The following AVEN variants were observed in gnomAD, a reference collection of about 807,000 sequenced individuals.
The protein encoded by AVEN is apoptosis and caspase activation inhibitor, also known as cell death regulator Aven.
In AVEN, 41 loss-of-function variants were observed where a neutral mutation model predicts 38.1. The ratio of observed to expected loss-of-function variants is 1.08; its 90% CI spans 0.84 to 1.40. The LOEUF is 1.40. Ranked by LOEUF, AVEN falls within the 40% of genes most tolerant of loss-of-function variation. The pLI is 0.00. For missense variants in AVEN, 605 were observed against 438.8 expected, an observed-to-expected ratio of 1.38 and a Z score of -3.38; for synonymous variants, 206 against 171.8, an observed-to-expected ratio of 1.20 and a Z score of -1.56.
intron 2 of AVEN, among the ~76,000 whole-genome samples, chr15:34,068,495 C>T (rs1900561952): frequency 6.6e-6 from 1 of 152,120 alleles, no homozygotes; most frequent in Non-Finnish European, 1.5e-5. Context: ...GCAGGAACCA[C>T]CGCGTCTGAC....
At chr15:33,931,806 T>C (rs1351531622) in intron 2 of AVEN, among the ~76,000 whole-genome samples, 4 of 152,222 alleles carry the variant, frequency 2.6e-5, no homozygotes, top group Non-Finnish European at 5.9e-5. Context: ...CAAGACCCAA[T>C]TGATTAGAAA....
At chr15:33,900,055 C>T (rs1167804867) in intron 2 of AVEN, among the ~76,000 whole-genome samples, 2 of 151,938 alleles carry the variant, frequency 1.3e-5, no homozygotes, top group Non-Finnish European at 2.9e-5. Context: ...TCACAATTAT[C>T]GCATGTATTA....
At chr15:33,909,577 G>C (rs918570666) in intron 2 of AVEN, among the ~76,000 whole-genome samples, 3 of 152,114 alleles carry the variant, frequency 2.0e-5, no homozygotes, top group Admixed American at 2.0e-4. Context: ...TCAACACAAT[G>C]TTCTTTGGAA....
Position 33,972,127 on chromosome 15 carries a change from C to G in AVEN, c.445+30905G>C, listed in dbSNP as rs541874247. ...CAACTATTAAAGATAAAAGTACCAT[C>G]TCACAGTTTTCTCATTAATAATTCA... On this transcript the variant is annotated intron_variant, in intron 2 of 5. Transcript: ENST00000306730. 2.0e-5 allele frequency: 3 copies of G among 152,238 alleles called. No individual in the cohort carries two copies. In the East Asian group the frequency reaches 5.8e-4, roughly 29 times the overall value. The allele number at this position is 152,238 out of a possible 1,614,324, so 9.4% of individuals were successfully genotyped here. A position where few individuals can be genotyped will look rare whatever the true frequency, so the allele number is the denominator to read the frequency against.
intron 2 of AVEN, among the ~76,000 whole-genome samples, chr15:33,992,683 A>C (rs1896780947): frequency 6.6e-6 from 1 of 152,230 alleles, no homozygotes; most frequent in African/African-American, 2.4e-5. Context: ...AAATGAGCTG[A>C]ATCAATGAGG....
Position 33,958,606 on chromosome 15 carries a change from AG to A in AVEN, c.445+44425del, listed in dbSNP as rs1386356358. Among the ~76,000 whole-genome samples, 240 of 149,850 alleles carry A rather than the reference AG, an allele frequency of 1.6e-3. 2 individuals are homozygous for A. The highest frequency in any genetic ancestry group is 5.9e-3 in the African/African-American group (233 of 39,628). On this transcript the variant is annotated intron_variant, in intron 2 of 5. Transcript: ENST00000306730. ...ACCCTATCTCAAGAAAAAAAAAAAA[AG>A]GAAAAGAAAAGAAAGAAAACTTCTT...
intron 2 of AVEN, among the ~76,000 whole-genome samples, chr15:33,980,864 T>C (rs1896107256): frequency 6.6e-6 from 1 of 152,120 alleles, no homozygotes; most frequent in African/African-American, 2.4e-5. Flanking sequence ...GACTTCAAAA[T>C]ATAATGGAAA....
upstream of AVEN, among the ~76,000 whole-genome samples, chr15:34,044,007 C>G: frequency 6.6e-6 from 1 of 151,850 alleles, no homozygotes; most frequent in Non-Finnish European, 1.5e-5. Flanking sequence ...CAAATGCTCC[C>G]ACTCTCCCCT....
intron 2 of AVEN, among the ~76,000 whole-genome samples, chr15:33,974,640 A>T (rs954338973): frequency 2.6e-5 from 4 of 152,206 alleles, no homozygotes; most frequent in African/African-American, 9.7e-5. Flanking sequence ...ACGTCCTCAC[A>T]GAAATCTGTG....
intron 2 of AVEN, among the ~76,000 whole-genome samples, chr15:33,882,505 G>C (rs1891529334): frequency 6.6e-6 from 1 of 151,212 alleles, no homozygotes; most frequent in African/African-American, 2.4e-5. Context: ...CATTTCTAGA[G>C]CCAAAATTAA....
chr15:33,888,909 G>A (rs115555098), intron 2 of AVEN, among the ~76,000 whole-genome samples: 6,030 of 151,926 alleles, frequency 0.04, 355 homozygotes, highest in African/African-American at 0.13. Context: ...ATGCCACCAC[G>A]CCCAGCTAAA....
chr15:34,005,118 T>C (rs1814964874), intron 1 of AVEN, among the ~76,000 whole-genome samples: 1 of 152,120 alleles, frequency 6.6e-6, no homozygotes, highest in African/African-American at 2.4e-5. Context: ...TACACATACT[T>C]CCAGATCTTT....
intron 3 of AVEN, among the ~76,000 whole-genome samples, chr15:33,871,906 CTG>C (rs949933372): frequency 5.3e-5 from 8 of 152,110 alleles, no homozygotes; most frequent in South Asian, 2.1e-4. Context: ...TAATACTAAA[CTG>C]TGAATTTTAA....
At chr15:34,026,128 T>C (rs1898457318) in intron 1 of AVEN, among the ~76,000 whole-genome samples, 1 of 152,246 alleles carries the variant, frequency 6.6e-6, no homozygotes, top group African/African-American at 2.4e-5. Flanking sequence ...GATATTCTTC[T>C]ACCCTTTTCA....
chr15:33,874,401 C>G (rs1891135791), intron 3 of AVEN, among the ~76,000 whole-genome samples: 1 of 152,180 alleles, frequency 6.6e-6, no homozygotes, highest in South Asian at 2.1e-4. Flanking sequence ...ACACCCTTCT[C>G]TGAGCATAAC....
chr15:33,905,264 C>G (rs1055156301), intron 2 of AVEN, among the ~76,000 whole-genome samples: 10 of 151,406 alleles, frequency 6.6e-5, no homozygotes, highest in African/African-American at 2.2e-4. Flanking sequence ...TGAGTTTAAA[C>G]TGCTGTTCAC....
intron 1 of AVEN, among the ~76,000 whole-genome samples, chr15:34,032,890 T>C (rs1009821220): frequency 6.6e-6 from 1 of 152,208 alleles, no homozygotes; most frequent in African/African-American, 2.4e-5. Flanking sequence ...GTTCCAATTA[T>C]TTGCTTTCAA....
chr15:33,961,691 T>C (rs949740605), intron 2 of AVEN, among the ~76,000 whole-genome samples: 1 of 151,150 alleles, frequency 6.6e-6, no homozygotes, highest in African/African-American at 2.4e-5. Context: ...CGGGCACCTG[T>C]AGTCCCAGCT....
At chr15:34,070,450 T>C (rs1345716423) in intron 2 of AVEN, among the ~76,000 whole-genome samples, 1 of 152,192 alleles carries the variant, frequency 6.6e-6, no homozygotes, top group Non-Finnish European at 1.5e-5. Flanking sequence ...AGTTTTATTT[T>C]AATGTTTTTA....
Sources: allele counts gnomAD v4.1 joint callset (sites outside exome capture counted in the v4.1 genomes callset), GRCh38; gene constraint gnomAD v4.1.1; transcripts MANE v1.5; gene names NCBI Gene and HGNC (gene_info 2026-07-23, HGNC 2026-07-21).